The following KIF6 variants were observed in gnomAD, a reference collection of about 807,000 sequenced individuals.
KIF6 encodes kinesin-like protein KIF6.
In KIF6, 106 loss-of-function variants were observed where a neutral mutation model predicts 112.7. The ratio of observed to expected loss-of-function variants is 0.94; its 90% confidence interval spans 0.80 to 1.11. The LOEUF (loss-of-function observed/expected upper bound fraction) is 1.11, where lower values mean the gene tolerates loss of function less well. Among genes scored for constraint, KIF6 ranks in the 50% least tolerant of loss-of-function variants. KIF6 has a pLI of 0.00. For missense variants in KIF6, 929 were observed against 964.0 expected, an observed-to-expected ratio of 0.96 and a Z score of 0.48; for synonymous variants, 339 against 339.9, an observed-to-expected ratio of 1.00 and a Z score of 0.03.
chr6:39,595,251 A>C (rs1782189679), intron 7 of KIF6, among the ~76,000 whole-genome samples: 1 of 152,222 alleles, frequency 6.6e-6, no homozygotes, highest in African/African-American at 2.4e-5. Flanking sequence ...GCCATTTGTA[A>C]CCTCTATTTA....
intron 3 of KIF6, among the ~76,000 whole-genome samples, chr6:39,648,358 A>T (rs1785290969): frequency 6.6e-6 from 1 of 151,936 alleles, no homozygotes; most frequent in African/African-American, 2.4e-5. Flanking sequence ...CTTGATTTTT[A>T]TATCACTCCC....
chr6:39,480,881 TTC>T (rs2150456825), intron 13 of KIF6, among the ~76,000 whole-genome samples: 1 of 152,312 alleles, frequency 6.6e-6, no homozygotes, highest in African/African-American at 2.4e-5. Flanking sequence ...TCTTTTGTAT[TTC>T]TGTCATGTCA....
At chr6:39,436,134 AT>A (rs1771512907) in intron 13 of KIF6, among the ~76,000 whole-genome samples, 1 of 151,984 alleles carries the variant, frequency 6.6e-6, no homozygotes, top group Admixed American at 6.6e-5. Flanking sequence ...GCATTTTTGC[AT>A]GTTTGCTGGC....
chr6:39,525,318 T>C (rs906130573), intron 13 of KIF6, among the ~76,000 whole-genome samples: 6 of 152,146 alleles, frequency 3.9e-5, no homozygotes, highest in African/African-American at 1.4e-4. Flanking sequence ...CCTCCAAAAG[T>C]GCTAGGTTTA....
At position 39,357,349 on chromosome 6, in the gene KIF6, A is replaced by G. The variant is rs764141442; in HGVS notation, c.2108T>C (p.Leu703Pro). Reference protein sequence around the residue: ...LQVNSPAVNSLDHTKPFLQTS... With the variant: ...LQVNSPAVNSPDHTKPFLQTS... The stretch of plus-strand genomic sequence containing the variant: ...CTGGAGAAATGGCTTCGTGTGATCG[A>G]GTGAATTCACTGCTGGAGAATTTAC... Residue 703 changes from leucine (L) to proline (P), a missense_variant, in exon 19 of 23, where the codon CTC becomes CCC. Transcript: ENST00000287152. 2 of 1,613,378 alleles carry G rather than the reference A, an allele frequency of 1.2e-6. No individual in the cohort carries two copies. The highest frequency in any genetic ancestry group is 4.5e-5 in the East Asian group (2 of 44,858).
intron 16 of KIF6, among the ~76,000 whole-genome samples, chr6:39,373,014 G>A (rs766472571): frequency 2.0e-5 from 3 of 152,168 alleles, no homozygotes; most frequent in South Asian, 4.1e-4. Flanking sequence ...TTCTTGGTCC[G>A]AGATTTGCCG....
chr6:39,413,713 G>T (rs1769666656), intron 15 of KIF6, among the ~76,000 whole-genome samples: 1 of 152,070 alleles, frequency 6.6e-6, no homozygotes, highest in Admixed American at 6.6e-5. Context: ...CTGAGACAAG[G>T]AGGGAGAGGA....
chr6:39,594,385 T>C (rs1782126594), intron 7 of KIF6, among the ~76,000 whole-genome samples: 1 of 152,214 alleles, frequency 6.6e-6, no homozygotes, highest in Non-Finnish European at 1.5e-5. Flanking sequence ...TAAAGCACTT[T>C]GAATACAGTC....
chr6:39,466,590 C>T (rs1773799006), intron 13 of KIF6, among the ~76,000 whole-genome samples: 1 of 152,134 alleles, frequency 6.6e-6, no homozygotes, highest in Non-Finnish European at 1.5e-5. Context: ...TCCCCACCCC[C>T]CACCTCTGCA....
intron 3 of KIF6, among the ~76,000 whole-genome samples, chr6:39,683,409 A>G (rs181834732): frequency 2.0e-5 from 3 of 152,330 alleles, no homozygotes; most frequent in Non-Finnish European, 4.4e-5. Flanking sequence ...GGAGCCATTT[A>G]CTAAGAAAAG....
Position 39,378,158 on chromosome 6 carries a change from C to T in KIF6, c.1861+7464G>A, listed in dbSNP as rs943268240. Among the ~76,000 whole-genome samples the T allele has an allele frequency of 6.6e-6, 1 of 151,818 alleles. No homozygotes were observed. The highest frequency in any genetic ancestry group is 2.4e-5 in the African/African-American group (1 of 41,320). On this transcript the variant is annotated intron_variant, in intron 16 of 22. Transcript: ENST00000287152. The surrounding 1 kb of genome is among the most constrained non-coding windows in gnomAD (Gnocchi z 5.0). Reference sequence around the variant, plus strand: ...GGGTCAAGGGGTAAACGCAGAGAAGCGTAAATGCAGAGAAACCCCCATCCC... The same window carrying T: ...GGGTCAAGGGGTAAACGCAGAGAAGTGTAAATGCAGAGAAACCCCCATCCC...
rs566225176 is a variant in KIF6, at chr6:39,340,422, T to C, written c.2428+3287A>G. 6.6e-5 allele frequency among the ~76,000 whole-genome samples: 10 copies of C among 152,274 alleles called. No individual in the cohort carries two copies. In the East Asian group the frequency reaches 1.7e-3, roughly 27 times the overall value. ...CAGCAGAGTGGGCATATCTTGGTAG[T>C]TGCAGCTTTTCAAGACAGTGTGGCC... On this transcript the variant is annotated intron_variant, in intron 22 of 22. Coordinates refer to ENST00000287152, the MANE Select transcript of KIF6 (RefSeq NM_145027.6).
At chr6:39,476,900 A>T (rs1184379014) in intron 13 of KIF6, among the ~76,000 whole-genome samples, 1 of 152,234 alleles carries the variant, frequency 6.6e-6, no homozygotes, top group East Asian at 1.9e-4. Flanking sequence ...AGGATCACAT[A>T]TAATTTAAGA....
chr6:39,349,631 C>CT (rs58810898), intron 19 of KIF6, among the ~76,000 whole-genome samples: 1,634 of 64,522 alleles, frequency 0.025, 288 homozygotes, highest in African/African-American at 0.037. Flanking sequence ...ATTTGTGGCT[C>CT]TTTTTTTTTT....
chr6:39,447,019 C>T (rs1006732358), intron 13 of KIF6, among the ~76,000 whole-genome samples: 3 of 152,026 alleles, frequency 2.0e-5, no homozygotes, highest in Non-Finnish European at 4.4e-5. Context: ...ACCTAAAAAC[C>T]CACCCACAGC....
At chr6:39,573,483 A>G (rs748209232) in intron 10 of KIF6, among the ~76,000 whole-genome samples, 1 of 152,336 alleles carries the variant, frequency 6.6e-6, no homozygotes, top group East Asian at 1.9e-4. Context: ...AACAGAACAC[A>G]TTGTCTGAAT....
At chr6:39,503,981 A>T (rs896505682) in intron 13 of KIF6, among the ~76,000 whole-genome samples, 2 of 152,190 alleles carry the variant, frequency 1.3e-5, no homozygotes, top group Non-Finnish European at 2.9e-5. Context: ...GTTGAAAAGG[A>T]GGGACTCCTT....
At chr6:39,515,086 C>T (rs1190357587) in intron 13 of KIF6, among the ~76,000 whole-genome samples, 3 of 152,146 alleles carry the variant, frequency 2.0e-5, no homozygotes, top group East Asian at 1.9e-4. Flanking sequence ...ATATATAATG[C>T]ACATTAAATT....
At chr6:39,570,827 TC>T (rs1780599888) in intron 10 of KIF6, among the ~76,000 whole-genome samples, 1 of 152,302 alleles carries the variant, frequency 6.6e-6, no homozygotes, top group Admixed American at 6.5e-5. Context: ...CCTGAGGACT[TC>T]CAAGCCATGC....
Sources: gnomAD v4.1 joint callset for allele counts (sites outside exome capture counted in the v4.1 genomes callset) on GRCh38, gnomAD v4.1.1 for gene constraint, Gnocchi (gnomAD v3.1) non-coding constraint, MANE v1.5 for transcripts, NCBI Gene and HGNC (gene_info 2026-07-23, HGNC 2026-07-21) for gene names.